COL5A3: variants seen among roughly 807,000 people sequenced by gnomAD.
COL5A3 encodes the protein collagen alpha-3(V) chain.
In COL5A3, 172 loss-of-function variants were observed where a neutral mutation model predicts 250.0. The observed-to-expected ratio is 0.69, with a 90% CI of 0.61 to 0.78. COL5A3 has a LOEUF of 0.78. Among genes scored for constraint, COL5A3 ranks in the 30% least tolerant of loss-of-function variants. The pLI, the probability that COL5A3 is intolerant of heterozygous loss-of-function variation, is 0.00. For missense variants in COL5A3, 2,340 were observed against 2,334.4 expected (o/e 1.00, Z -0.05); for synonymous variants, 937 against 900.4 (o/e 1.04, Z -0.73).
At chr19:9,987,168 G>A (rs1298516105) in intron 27 of COL5A3, among the ~76,000 whole-genome samples, 1 of 152,286 alleles carries the variant, frequency 6.6e-6, no homozygotes. Context: ...TGGAGAGAGC[G>A]CTTAGTTCAA....
Position 10,001,829 on chromosome 19 carries a change from G to T in COL5A3, c.902C>A (p.Thr301Asn), listed in dbSNP as rs556320011. The change falls in exon 7 of 67, where the codon ACC becomes AAC. Residue 301 changes from threonine to asparagine, a missense_variant. Coordinates refer to ENST00000264828, the MANE Select transcript of COL5A3 (RefSeq NM_015719.4). ...GGAGGTGACGACCAAAGGCGTGGGG[G>T]TCGGAGGCAGATTTGGAGCTGGAGT... ...TETPAPNLPP[T>N]PTPLVVTSTV... is the part of the protein sequence containing the mutation. 2 of 1,614,072 alleles carry T rather than the reference G, an allele frequency of 1.2e-6. No homozygotes were observed. Among genetic ancestry groups the T allele is most frequent in the Admixed American group, 1.7e-5 (1 of 60,002 alleles).
At position 9,978,981 on chromosome 19, in the gene COL5A3, C is replaced by T; in HGVS notation, c.2875-1G>A. ...GGGGTCCTGGTGGTCCCAGTTCCCC[C>T]TACAGGAGTGCAAAGGAGGGAAGTC... On this transcript the variant is annotated splice_acceptor_variant, in intron 39 of 66. Coordinates refer to ENST00000264828, the MANE Select transcript of COL5A3 (RefSeq NM_015719.4). LOFTEE classifies it high-confidence loss of function. The T allele has an allele frequency of 1.3e-6, 2 of 1,549,666 alleles. No individual in the cohort carries two copies. The highest frequency in any genetic ancestry group is 1.7e-6 in the Non-Finnish European group (2 of 1,152,304).
At chr19:9,977,942 CTATACATATA>C (rs1181775966) in intron 41 of COL5A3, among the ~76,000 whole-genome samples, 1 of 89,686 alleles carries the variant, frequency 1.1e-5, no homozygotes, top group African/African-American at 4.0e-5. Context: ...TCCTGGCAGC[CTATACATATA>C]TATATATATA....
rs373083555 is a variant in COL5A3, at chr19:9,968,406, G to T, written c.4293C>A (p.Pro1431=). ...GDQGLPGVQG[P]PGPKGDPGPP... is the part of the protein sequence containing the mutation. ...TCACAGGGTCTCCCTTGGGACCAGGGGGTCCCTGCACGCCTGGCAACCCCT... is the reference window on the plus strand; with the variant it reads ...TCACAGGGTCTCCCTTGGGACCAGGTGGTCCCTGCACGCCTGGCAACCCCT... The change falls in exon 59 of 67, where the codon CCC becomes CCA. Residue 1431 remains proline (P), a synonymous_variant. Transcript: ENST00000264828. The surrounding 1 kb of genome is among the most constrained non-coding windows in gnomAD (Gnocchi z 4.1). The T allele has an allele frequency of 1.9e-6, 3 of 1,591,840 alleles. No homozygotes were observed. The highest frequency in any genetic ancestry group is 2.6e-6 in the Non-Finnish European group (3 of 1,174,444).
intron 24 of COL5A3, among the ~76,000 whole-genome samples, chr19:9,990,302 C>G (rs112540454): frequency 0.26 from 39,361 of 148,762 alleles, 7,797 homozygotes; most frequent in African/African-American, 0.56. Flanking sequence ...GCTGAGGTGG[C>G]AGAATCACTT....
intron 64 of COL5A3, among the ~76,000 whole-genome samples, chr19:9,965,672 C>G (rs1302686159): frequency 1.3e-5 from 2 of 148,814 alleles, no homozygotes; most frequent in Non-Finnish European, 3.0e-5. Context: ...AGCCTTGTCT[C>G]GAACTCCTGA....
intron 1 of COL5A3, among the ~76,000 whole-genome samples, chr19:10,007,107 A>T (rs2087455121): frequency 8.1e-6 from 1 of 123,938 alleles, no homozygotes; most frequent in Admixed American, 8.2e-5. Flanking sequence ...CCTCCCTCTG[A>T]CTCTCCCCTA....
In COL5A3 at chr19:9,996,397, G is replaced by A. The variant is rs1415151308; in HGVS notation, c.1422+36C>T. 3.1e-6 allele frequency: 5 copies of A among 1,607,922 alleles called. No homozygotes were observed. The Admixed American group carries it at 8.4e-5, about 27-fold the overall frequency. On this transcript the variant is annotated intron_variant, in intron 13 of 66. Transcript: ENST00000264828. ...TTACGCCGAGGCTCTATCACTCTCT[G>A]GGGTTCCTCCCACTATGTCCACACC...
intron 8 of COL5A3, among the ~76,000 whole-genome samples, chr19:9,999,107 G>A (rs148434048): frequency 1.4e-5 from 2 of 144,262 alleles, no homozygotes; most frequent in South Asian, 4.4e-4. Flanking sequence ...CTATTGCCCA[G>A]GCAGGCTTTT....
chr19:10,007,884 G>T (rs975230475), intron 1 of COL5A3, among the ~76,000 whole-genome samples: 1 of 151,448 alleles, frequency 6.6e-6, no homozygotes, highest in Non-Finnish European at 1.5e-5. Flanking sequence ...TTCTGTGCCG[G>T]GTCTTTCCAG....
At chr19:9,972,630 G>GAT (rs142871796) in intron 51 of COL5A3, among the ~76,000 whole-genome samples, 4,496 of 152,252 alleles carry the variant, frequency 0.03, 212 homozygotes, top group African/African-American at 0.1. Flanking sequence ...GAGGTCAGGA[G>GAT]ATCGAGACCA....
At chr19:9,999,220 T>G (rs2087319035) in intron 8 of COL5A3, among the ~76,000 whole-genome samples, 1 of 147,738 alleles carries the variant, frequency 6.8e-6, no homozygotes. Flanking sequence ...TGACACAGGG[T>G]CACTCTATTG....
At chr19:9,979,927 A>T in intron 36 of COL5A3, 35 bp from the exon 37 acceptor site, 1 of 1,574,316 alleles carries the variant, frequency 6.4e-7, no homozygotes, top group Admixed American at 2.1e-5. Context: ...TGGGGCACAG[A>T]TACAGGGCTT....
In COL5A3 at chr19:10,009,611, T is replaced by G. The variant is rs1207965464; in HGVS notation, c.88+687A>C. Among the ~76,000 whole-genome samples, 2 of 148,518 alleles carry G rather than the reference T, an allele frequency of 1.3e-5. No individual in the cohort carries two copies. Among genetic ancestry groups the G allele is most frequent in the African/African-American group, 2.5e-5 (1 of 40,062 alleles). On this transcript the variant is annotated intron_variant, in intron 1 of 66. Transcript: ENST00000264828. The surrounding 1 kb of genome is among the most constrained non-coding windows in gnomAD (Gnocchi z 4.4). Reference sequence around the variant, plus strand: ...GATCGCGGCTCTGGGGACCGCGGGGTGGGGGAGGGGGCAACAGGGAGGGAG... The same window carrying G: ...GATCGCGGCTCTGGGGACCGCGGGGGGGGGGAGGGGGCAACAGGGAGGGAG...
chr19:9,988,855 A>AAAAAAAAAGAGAGAGAGAGAAAG lies in COL5A3; in HGVS notation c.2145+268_2145+269insCTTTCTCTCTCTCTCTTTTTTTT, dbSNP rs1269531312. Among the ~76,000 whole-genome samples, 105 of 104,438 alleles carry AAAAAAAAAGAGAGAGAGAGAAAG rather than the reference A, an allele frequency of 1.0e-3. 1 individual carries two copies. Among genetic ancestry groups the AAAAAAAAAGAGAGAGAGAGAAAG allele is most frequent in the Non-Finnish European group, 1.4e-3 (75 of 54,302 alleles). 68.5% of individuals were successfully genotyped at this position (104,438 alleles called of 152,430 possible). ...TCTCAAAAAAAAAAAAAAAAAAAAA[A>AAAAAAAAAGAGAGAGAGAGAAAG]AAAGAAAGTAAAGAAAAGAAAAGGA... On this transcript the variant is annotated intron_variant, in intron 27 of 66. Transcript: ENST00000264828.
chr19:9,998,914 A>AC (rs1157827978), intron 8 of COL5A3, among the ~76,000 whole-genome samples: 5 of 151,460 alleles, frequency 3.3e-5, no homozygotes, highest in African/African-American at 1.2e-4. Flanking sequence ...CGAACTCCTG[A>AC]CTTAGGTGAT....
chr19:9,973,025 C>T lies in COL5A3; in HGVS notation c.3668G>A (p.Gly1223Glu). 1 of 1,605,178 alleles carries T rather than the reference C, an allele frequency of 6.2e-7. No homozygotes were observed. The highest frequency in any genetic ancestry group is 8.5e-7 in the Non-Finnish European group (1 of 1,175,580). The change falls in exon 51 of 67, where the codon GGG becomes GAG. Residue 1223 changes from glycine to glutamate, a missense_variant and splice_region_variant. Physicochemically the swap from Gly to Glu is moderately conservative, Grantham distance 98. Around this residue, in one of 3 missense-constraint regions of COL5A3, gnomAD observed 1,179 missense variants for 1,162.6 expected, o/e 1.01. Transcript: ENST00000264828. ...PGPPGAPGIPGPKGDIGEKGD... is the reference protein window; with the variant it reads ...PGPPGAPGIPEPKGDIGEKGD... ...CTTTTCACCAATGTCTCCCTTGGGC[C>T]CCTTTACAGAAAGAGGTCAGAGGTC...
Position 9,969,877 on chromosome 19 carries a change from C to CT in COL5A3, c.3981dup (p.Gly1328ArgfsTer9). On this transcript the variant is annotated frameshift_variant, in exon 55 of 67. Transcript: ENST00000264828. LOFTEE classifies it high-confidence loss of function. ...TTGCCAGGGGGACTCACCTTGGCACCTTTCTCCCCTTCTCTGCCTTCTCGA... is the reference window on the plus strand; with the variant it reads ...TTGCCAGGGGGACTCACCTTGGCACCTTTTCTCCCCTTCTCTGCCTTCTCGA... The CT allele has an allele frequency of 6.2e-7, 1 of 1,613,858 alleles. No individual in the cohort carries two copies. Among genetic ancestry groups the CT allele is most frequent in the Non-Finnish European group, 8.5e-7 (1 of 1,179,922 alleles).
At chr19:9,993,306 T>C in intron 19 of COL5A3, 74 bp downstream of exon 19, 1 of 1,530,814 alleles carries the variant, frequency 6.5e-7, no homozygotes, top group South Asian at 1.1e-5. Flanking sequence ...GACCTCCAGA[T>C]CTTCCTCTCT....
Sources: gnomAD v4.1 joint callset for allele counts (sites outside exome capture counted in the v4.1 genomes callset) on GRCh38, gnomAD v4.1.1 for gene constraint, gnomAD v4.1.1 regional missense constraint, Gnocchi (gnomAD v3.1) non-coding constraint, MANE v1.5 for transcripts, NCBI Gene and HGNC (gene_info 2026-07-23, HGNC 2026-07-21) for gene names.